The following ZDHHC3 variants were observed in gnomAD, a reference collection of about 807,000 sequenced individuals.
ZDHHC3 encodes the protein palmitoyltransferase ZDHHC3.
In ZDHHC3, 9 loss-of-function variants were observed where a neutral mutation model predicts 30.6. That is an observed-to-expected ratio of 0.29 (90% CI 0.18 to 0.51). The LOEUF (loss-of-function observed/expected upper bound fraction) is 0.51. Ranked by LOEUF, ZDHHC3 falls within the 20% of genes least tolerant of loss-of-function variation. ZDHHC3 has a pLI of 0.97. For synonymous variants in ZDHHC3, 136 were observed against 140.2 expected, an observed-to-expected ratio of 0.97 and a Z score of 0.21; for missense variants, 246 against 384.2, an observed-to-expected ratio of 0.64 and a Z score of 3.01.
At chr3:44,928,402 A>G (rs1057134394) in intron 6 of ZDHHC3, among the ~76,000 whole-genome samples, 1 of 152,048 alleles carries the variant, frequency 6.6e-6, no homozygotes, top group Non-Finnish European at 1.5e-5. Context: ...CCCGCTTCTA[A>G]TGCTGACTAC....
chr3:44,960,703 C>T (rs539724487), intron 1 of ZDHHC3, among the ~76,000 whole-genome samples: 1 of 152,316 alleles, frequency 6.6e-6, no homozygotes, highest in African/African-American at 2.4e-5. Flanking sequence ...CAGGCTACAA[C>T]ACAGGCAAGA....
rs1346707230 is a variant in ZDHHC3 at position 44,921,107 on chromosome 3, A to C, written c.*5582T>G. The C allele has an allele frequency of 5.1e-6, 5 of 985,424 alleles. No individual in the cohort carries two copies. The highest frequency in any genetic ancestry group is 2.3e-4 in the East Asian group (2 of 8,804). The allele number at this position is 985,424 out of a possible 1,614,324, so 61.0% of individuals were successfully genotyped here. A position where few individuals can be genotyped will look rare whatever the true frequency, so the allele number is the denominator to read the frequency against. ...TAAGGGGGTCATAGTCGACACCAGA[A>C]GCTCTTGCAGGGTGTGTGATGGGCC... On this transcript the variant is annotated 3_prime_UTR_variant, in exon 7 of 7. Coordinates refer to ENST00000424952, the MANE Select transcript of ZDHHC3 (RefSeq NM_001135179.2).
In ZDHHC3 at chr3:44,929,839, G is replaced by A. The variant is rs536710691; in HGVS notation, c.611-403C>T. On this transcript the variant is annotated intron_variant, in intron 5 of 6. Transcript: ENST00000424952. ...TGCAGGTACACAGGTGGAGAGGCCT[G>A]TCCAGTCCTGCTATGGCCATAGGTT... 4.6e-5 allele frequency among the ~76,000 whole-genome samples: 7 copies of A among 152,328 alleles called. No individual in the cohort carries two copies. In the South Asian group the frequency reaches 1.0e-3, roughly 23 times the overall value.
chr3:44,968,126 A>G (rs765368053), intron 1 of ZDHHC3, among the ~76,000 whole-genome samples: 6 of 151,992 alleles, frequency 3.9e-5, no homozygotes, highest in Non-Finnish European at 5.9e-5. Flanking sequence ...AGCACAGCAC[A>G]TGGATTTTTT....
rs1169231483 is a variant in ZDHHC3, at chr3:44,923,812, A to G, written c.*2877T>C. 1 of 985,286 alleles carries G rather than the reference A, an allele frequency of 1.0e-6. No individual in the cohort carries two copies. Among genetic ancestry groups the G allele is most frequent in the African/African-American group, 1.7e-5 (1 of 57,248 alleles). 61.0% of individuals were successfully genotyped at this position (985,286 alleles called of 1,614,324 possible). ...AGCAAGACCTTGTCTCAAACAAAAA[A>G]GAGGAAGTACAGTATGAAGAAGACA... On this transcript the variant is annotated 3_prime_UTR_variant, in exon 7 of 7. Coordinates refer to ENST00000424952, the MANE Select transcript of ZDHHC3 (RefSeq NM_001135179.2).
At chr3:44,950,287 C>A (rs1197064502) in intron 2 of ZDHHC3, among the ~76,000 whole-genome samples, 1 of 152,212 alleles carries the variant, frequency 6.6e-6, no homozygotes, top group Non-Finnish European at 1.5e-5. Flanking sequence ...AGCAACGAGG[C>A]TTGAGTTTTC....
Position 44,923,220 on chromosome 3 carries a change from C to A in ZDHHC3, c.*3469G>T. The A allele has an allele frequency of 1.2e-6, 1 of 803,080 alleles. No homozygotes were observed. Among genetic ancestry groups the A allele is most frequent in the Non-Finnish European group, 1.5e-6 (1 of 664,094 alleles). The allele number at this position is 803,080 out of a possible 1,614,324, so 49.7% of individuals were successfully genotyped here. A position where few individuals can be genotyped will look rare whatever the true frequency, so the allele number is the denominator to read the frequency against. On this transcript the variant is annotated 3_prime_UTR_variant, in exon 7 of 7. Transcript: ENST00000424952. ...CCTCCCAAGTAGCTGGGACTACAGACGCCTGCCACCACGCCCAGCTAATTT... is the reference window on the plus strand; with the variant it reads ...CCTCCCAAGTAGCTGGGACTACAGAAGCCTGCCACCACGCCCAGCTAATTT...
rs752104942 is a variant in ZDHHC3, at chr3:44,929,105, G to A, written c.741+201C>T. On this transcript the variant is annotated intron_variant, in intron 6 of 6. Transcript: ENST00000424952. The stretch of plus-strand genomic sequence containing the variant: ...CTGGGCCGCACTCCTGGTGTGATCT[G>A]CTATGGCTGCCCCAAGGCTGGAGGA... Among the ~76,000 whole-genome samples, 111 of 152,208 alleles carry A rather than the reference G, an allele frequency of 7.3e-4. 1 individual carries two copies. The highest frequency in any genetic ancestry group is 3.8e-4 in the Non-Finnish European group (26 of 68,032).
At chr3:44,941,895 A>G (rs1167883832) in intron 3 of ZDHHC3, among the ~76,000 whole-genome samples, 3 of 152,256 alleles carry the variant, frequency 2.0e-5, no homozygotes, top group African/African-American at 7.2e-5. Context: ...TGAAAGCATA[A>G]GCCAAATGCC....
In ZDHHC3 at chr3:44,924,220, T is replaced by C. The variant is rs959947504; in HGVS notation, c.*2469A>G. The C allele has an allele frequency of 1.0e-6, 1 of 985,302 alleles. No individual in the cohort carries two copies. Among genetic ancestry groups the C allele is most frequent in the Admixed American group, 6.1e-5 (1 of 16,266 alleles). 61.0% of individuals were successfully genotyped at this position (985,302 alleles called of 1,614,324 possible). On this transcript the variant is annotated 3_prime_UTR_variant, in exon 7 of 7. Transcript: ENST00000424952. Reference sequence around the variant, plus strand: ...TGTCCTCTTTCATTACATCCGGAAATACTGAGGAGAGCTCAGGGATGCTTT... The same window carrying C: ...TGTCCTCTTTCATTACATCCGGAAACACTGAGGAGAGCTCAGGGATGCTTT...
Position 44,926,640 on chromosome 3 carries a change from G to A in ZDHHC3, c.*49C>T, listed in dbSNP as rs1463069840. The A allele has an allele frequency of 6.6e-7, 1 of 1,522,346 alleles. No homozygotes were observed. Among genetic ancestry groups the A allele is most frequent in the South Asian group, 1.3e-5 (1 of 76,700 alleles). The allele number at this position is 1,522,346 out of a possible 1,614,324, so 94.3% of individuals were successfully genotyped here. On this transcript the variant is annotated 3_prime_UTR_variant, in exon 7 of 7. Transcript: ENST00000424952. The stretch of plus-strand genomic sequence containing the variant: ...ATTCATGAGAACGGATGGGACGGTA[G>A]TGCTGTGGTGTGGACTTGTGTCTGA...
intron 1 of ZDHHC3, among the ~76,000 whole-genome samples, chr3:44,961,138 A>G (rs1247616343): frequency 1.3e-5 from 2 of 152,272 alleles, no homozygotes; most frequent in Non-Finnish European, 2.9e-5. Flanking sequence ...CACGCCAGTA[A>G]TCCCAGCACT....
At chr3:44,971,831 C>G (rs893775139) in intron 1 of ZDHHC3, among the ~76,000 whole-genome samples, 1 of 152,116 alleles carries the variant, frequency 6.6e-6, no homozygotes. Flanking sequence ...CAGATGAAGA[C>G]CTGCTGGCCA....
At chr3:44,965,198 A>T (rs1704831609) in intron 1 of ZDHHC3, among the ~76,000 whole-genome samples, 2 of 152,254 alleles carry the variant, frequency 1.3e-5, no homozygotes, top group African/African-American at 4.8e-5. Context: ...TCTAAAAGCA[A>T]CAACAAAAAC....
chr3:44,951,081 A>C (rs1703408545), intron 2 of ZDHHC3, among the ~76,000 whole-genome samples: 1 of 152,238 alleles, frequency 6.6e-6, no homozygotes, highest in Non-Finnish European at 1.5e-5. Flanking sequence ...TGATCACCCA[A>C]GACAAGTACT....
chr3:44,922,728 GC>G lies in ZDHHC3; in HGVS notation c.*3960del. On this transcript the variant is annotated 3_prime_UTR_variant, in exon 7 of 7. Transcript: ENST00000424952. ...GGGCTGTTAAGACACGGGCTGCTGG[GC>G]CCCGCTCGGTTTCTGGTTCGGTAGC... 1.0e-6 allele frequency: 1 copy of G among 984,658 alleles called. No individual in the cohort carries two copies. The highest frequency in any genetic ancestry group is 1.2e-6 in the Non-Finnish European group (1 of 829,290). 61.0% of individuals were successfully genotyped at this position (984,658 alleles called of 1,614,324 possible). A position where few individuals can be genotyped will look rare whatever the true frequency, so the allele number is the denominator to read the frequency against.
intron 2 of ZDHHC3, among the ~76,000 whole-genome samples, chr3:44,953,323 C>T (rs1043446904): frequency 2.6e-5 from 4 of 152,164 alleles, no homozygotes; most frequent in African/African-American, 9.7e-5. Flanking sequence ...ATTTTAATTG[C>T]CTGATGTCAC....
At chr3:44,964,931 A>G (rs1282722929) in intron 1 of ZDHHC3, among the ~76,000 whole-genome samples, 2 of 152,070 alleles carry the variant, frequency 1.3e-5, no homozygotes, top group Non-Finnish European at 2.9e-5. Flanking sequence ...CTGATAGAAG[A>G]GTTCACTGAA....
Position 44,920,108 on chromosome 3 carries a change from C to T in ZDHHC3, c.*6581G>A, listed in dbSNP as rs993554878. 8.2e-7 allele frequency: 1 copy of T among 1,216,250 alleles called. No individual in the cohort carries two copies. The highest frequency in any genetic ancestry group is 1.6e-5 in the African/African-American group (1 of 63,652). The allele number at this position is 1,216,250 out of a possible 1,614,324, so 75.3% of individuals were successfully genotyped here. On this transcript the variant is annotated 3_prime_UTR_variant, in exon 7 of 7. Transcript: ENST00000424952. ...GACTTCTCACACAATCCAAGTTTTA[C>T]CAATGAGCCAATGTTACTTTTATAA...
Sources: allele counts gnomAD v4.1 joint callset (sites outside exome capture counted in the v4.1 genomes callset), GRCh38; gene constraint gnomAD v4.1.1; transcripts MANE v1.5; gene names NCBI Gene and HGNC (gene_info 2026-07-23, HGNC 2026-07-21).